The following ERC2 variants were observed in gnomAD, a reference collection of about 807,000 sequenced individuals.
ERC2 encodes ELKS/RAB6-interacting/CAST family member 2, also known as ERC protein 2.
In ERC2, 42 loss-of-function variants were observed where a neutral mutation model predicts 114.8. The ratio of observed to expected loss-of-function variants is 0.37; its 90% CI spans 0.29 to 0.47. ERC2 has a LOEUF of 0.47. Ranked by LOEUF, ERC2 falls within the 20% of genes least tolerant of loss-of-function variation. The probability of loss-of-function intolerance (pLI) is 0.99; values close to 1 mark genes in which losing one functional copy is unlikely to be tolerated. For synonymous variants in ERC2, 454 were observed against 425.5 expected, an observed-to-expected ratio of 1.07 and a Z score of -0.82; for missense variants, 939 against 1,150.7, an observed-to-expected ratio of 0.82 and a Z score of 2.66.
At chr3:55,949,585 T>C (rs1576324176) in intron 13 of ERC2, among the ~76,000 whole-genome samples, 1 of 152,170 alleles carries the variant, frequency 6.6e-6, no homozygotes, top group Non-Finnish European at 1.5e-5. Flanking sequence ...ACTGGAATAA[T>C]TACTGATTTC....
chr3:56,311,097 A>C (rs1031193078), intron 2 of ERC2, among the ~76,000 whole-genome samples: 1 of 151,564 alleles, frequency 6.6e-6, no homozygotes, highest in African/African-American at 2.4e-5. Context: ...TCATTGATTT[A>C]ACCATTGTTG....
rs528200163 is a variant in ERC2 at position 55,656,304 on chromosome 3, A to AT, written c.*39+27489dup. 2.8e-3 allele frequency among the ~76,000 whole-genome samples: 421 copies of AT among 151,662 alleles called. 2 individuals carry two copies. The highest frequency in any genetic ancestry group is 9.7e-3 in the African/African-American group (400 of 41,310). ...CAGGAGTACACCCCCACTTCCAACT[A>AT]TTTTTTTTGTTTTGTTTTTACTTTT... On this transcript the variant is annotated intron_variant, in intron 17 of 17. Coordinates refer to ENST00000288221, the MANE Select transcript of ERC2 (RefSeq NM_015576.3).
chr3:56,041,633 T>C (rs2075197867), intron 7 of ERC2, among the ~76,000 whole-genome samples: 1 of 152,146 alleles, frequency 6.6e-6, no homozygotes, highest in African/African-American at 2.4e-5. Context: ...CTTTCCCTCT[T>C]TCATTCCTTC....
intron 14 of ERC2, among the ~76,000 whole-genome samples, chr3:55,876,329 T>C (rs2062840638): frequency 6.6e-6 from 1 of 152,008 alleles, no homozygotes; most frequent in Non-Finnish European, 1.5e-5. Context: ...AATTGGGATT[T>C]GCCCAAGACC....
At chr3:55,979,170 T>C (rs2069860006) in intron 12 of ERC2, among the ~76,000 whole-genome samples, 1 of 152,214 alleles carries the variant, frequency 6.6e-6, no homozygotes, top group African/African-American at 2.4e-5. Flanking sequence ...TATGATTAAA[T>C]AGCAGAGGGC....
chr3:56,457,394 G>A (rs897398420), intron 1 of ERC2, among the ~76,000 whole-genome samples: 1 of 152,102 alleles, frequency 6.6e-6, no homozygotes, highest in Non-Finnish European at 1.5e-5. Flanking sequence ...GACATTGCTA[G>A]GAGTCCCAAA....
chr3:56,237,005 G>A (rs182109185), intron 3 of ERC2, among the ~76,000 whole-genome samples: 60 of 152,226 alleles, frequency 3.9e-4, no homozygotes, highest in Non-Finnish European at 7.1e-4. Flanking sequence ...CTGACCTCTC[G>A]CAGGACATCC....
At chr3:56,448,199 T>C (rs2062668496) in intron 1 of ERC2, among the ~76,000 whole-genome samples, 1 of 152,166 alleles carries the variant, frequency 6.6e-6, no homozygotes, top group Admixed American at 6.6e-5. Context: ...TATTAATATG[T>C]GCAATTCCTT....
At chr3:56,132,177 C>T (rs2080243270) in intron 6 of ERC2, among the ~76,000 whole-genome samples, 1 of 152,160 alleles carries the variant, frequency 6.6e-6, no homozygotes, top group Admixed American at 6.5e-5. Context: ...AAAGCATTCC[C>T]AACTCCTTGT....
intron 13 of ERC2, among the ~76,000 whole-genome samples, chr3:55,890,742 T>G (rs1386493878): frequency 3.3e-5 from 5 of 152,212 alleles, no homozygotes; most frequent in Non-Finnish European, 7.3e-5. Flanking sequence ...TAGTATCAGA[T>G]GAGACGAAAC....
chr3:55,937,569 T>C (rs1402384834), intron 13 of ERC2, among the ~76,000 whole-genome samples: 2 of 152,102 alleles, frequency 1.3e-5, no homozygotes, highest in African/African-American at 4.8e-5. Context: ...CACCAGATGA[T>C]GGAAAAGCAC....
chr3:56,459,889 G>A (rs764579426), intron 1 of ERC2, among the ~76,000 whole-genome samples: 12 of 152,158 alleles, frequency 7.9e-5, no homozygotes, highest in African/African-American at 1.7e-4. Flanking sequence ...CTGACCAAGC[G>A]AACTCTGCTT....
chr3:55,799,057 T>C (rs545203158), intron 14 of ERC2, among the ~76,000 whole-genome samples: 8 of 152,102 alleles, frequency 5.3e-5, no homozygotes, highest in Non-Finnish European at 1.2e-4. Flanking sequence ...CTCATCTCTA[T>C]ATAATATGGA....
intron 15 of ERC2, among the ~76,000 whole-genome samples, chr3:55,708,515 G>A (rs559313328): frequency 6.6e-6 from 1 of 152,264 alleles, no homozygotes; most frequent in Admixed American, 6.5e-5. Flanking sequence ...GCTCTTCAAG[G>A]ACTGTAACAG....
chr3:55,841,951 C>T (rs960041162), intron 14 of ERC2, among the ~76,000 whole-genome samples: 1 of 152,146 alleles, frequency 6.6e-6, no homozygotes, highest in African/African-American at 2.4e-5. Context: ...CTGAACACAC[C>T]TGTGCTAATT....
At chr3:55,834,514 G>A (rs913087263) in intron 14 of ERC2, among the ~76,000 whole-genome samples, 1 of 151,772 alleles carries the variant, frequency 6.6e-6, no homozygotes, top group African/African-American at 2.4e-5. Context: ...ATGACTACTG[G>A]GTACATAATG....
At chr3:55,755,614 A>T (rs2067001010) in intron 14 of ERC2, among the ~76,000 whole-genome samples, 1 of 152,164 alleles carries the variant, frequency 6.6e-6, no homozygotes, top group African/African-American at 2.4e-5. Flanking sequence ...TTCAGTTCTC[A>T]GGTTGTAAGT....
At chr3:55,674,713 G>A (rs764582442) in intron 17 of ERC2, among the ~76,000 whole-genome samples, 8 of 152,166 alleles carry the variant, frequency 5.3e-5, no homozygotes, top group Non-Finnish European at 1.0e-4. Flanking sequence ...TTCTCTCGAA[G>A]AGATTATAAC....
At chr3:55,669,050 C>T (rs1471067834) in intron 17 of ERC2, among the ~76,000 whole-genome samples, 4 of 152,180 alleles carry the variant, frequency 2.6e-5, no homozygotes, top group Non-Finnish European at 4.4e-5. Context: ...TAGGCAGGAG[C>T]ACAAGAGCTT....
Sources: allele counts gnomAD v4.1 joint callset (sites outside exome capture counted in the v4.1 genomes callset), GRCh38; gene constraint gnomAD v4.1.1; transcripts MANE v1.5; gene names NCBI Gene and HGNC (gene_info 2026-07-23, HGNC 2026-07-21).